The following BCAS3 variants were observed in gnomAD, a reference collection of about 807,000 sequenced individuals.
The protein encoded by BCAS3 is BCAS4/BCAS3 fusion.
BCAS3 carries 53 observed loss-of-function variants against 116.1 expected under a neutral mutation model. The observed-to-expected ratio is 0.46, with a 90% confidence interval of 0.37 to 0.57. The LOEUF (loss-of-function observed/expected upper bound fraction) is 0.57, where lower values mean the gene tolerates loss of function less well. Among genes scored for constraint, BCAS3 ranks in the 20% least tolerant of loss-of-function variants. BCAS3 has a pLI of 0.00. For missense variants in BCAS3, 917 were observed against 1,165.4 expected (o/e 0.79, Z 3.10); for synonymous variants, 391 against 408.2 (o/e 0.96, Z 0.51).
At chr17:60,735,844 T>C (rs1446038749) in intron 5 of BCAS3, among the ~76,000 whole-genome samples, 2 of 151,842 alleles carry the variant, frequency 1.3e-5, no homozygotes, top group Non-Finnish European at 2.9e-5. Flanking sequence ...CATAAATAGG[T>C]GTTGGATTTT....
intron 22 of BCAS3, among the ~76,000 whole-genome samples, chr17:61,287,002 A>C (rs1043025574): frequency 1.3e-5 from 2 of 152,016 alleles, no homozygotes; most frequent in Admixed American, 1.3e-4. Flanking sequence ...TAATCCCAGC[A>C]CTTTGGGAGG....
intron 22 of BCAS3, among the ~76,000 whole-genome samples, chr17:61,183,952 G>A (rs1199168068): frequency 6.6e-6 from 1 of 152,172 alleles, no homozygotes; most frequent in East Asian, 1.9e-4. Context: ...GGTATGGTCT[G>A]CAAATGCAGA....
chr17:60,893,407 T>G (rs184952039), intron 10 of BCAS3, among the ~76,000 whole-genome samples: 1 of 152,130 alleles, frequency 6.6e-6, no homozygotes, highest in Non-Finnish European at 1.5e-5. Flanking sequence ...CTGAGTTAAT[T>G]TTTGTATATG....
chr17:61,108,919 G>A (rs1017090312), intron 22 of BCAS3, among the ~76,000 whole-genome samples: 5 of 152,172 alleles, frequency 3.3e-5, no homozygotes, highest in South Asian at 2.1e-4. Flanking sequence ...TGGGCACGGC[G>A]GCTCATGCCT....
At chr17:60,926,207 A>G (rs1007767117) in intron 13 of BCAS3, among the ~76,000 whole-genome samples, 2 of 152,154 alleles carry the variant, frequency 1.3e-5, no homozygotes, top group African/African-American at 4.8e-5. Context: ...AATACTTTGT[A>G]AATAAAACTG....
intron 22 of BCAS3, among the ~76,000 whole-genome samples, chr17:61,129,617 C>T (rs185698419): frequency 2.6e-5 from 4 of 152,344 alleles, no homozygotes; most frequent in African/African-American, 7.2e-5. Flanking sequence ...CTTCCAGGGC[C>T]TTCGGCATCC....
chr17:61,150,957 C>G (rs770688612), intron 22 of BCAS3, among the ~76,000 whole-genome samples: 44 of 152,164 alleles, frequency 2.9e-4, no homozygotes, highest in Non-Finnish European at 6.2e-4. Flanking sequence ...CCCTGGGAGC[C>G]CAGTTGAAGG....
At chr17:61,046,304 G>A (rs967979412) in intron 19 of BCAS3, among the ~76,000 whole-genome samples, 5 of 147,660 alleles carry the variant, frequency 3.4e-5, no homozygotes, top group African/African-American at 1.2e-4. Flanking sequence ...GTGCCAGAAA[G>A]TTTTTTGTTT....
chr17:61,381,937 A>C lies in BCAS3; in HGVS notation c.2594-10040A>C, dbSNP rs951985269. 1.3e-5 allele frequency among the ~76,000 whole-genome samples: 2 copies of C among 152,124 alleles called. No homozygotes were observed. The highest frequency in any genetic ancestry group is 2.9e-5 in the Non-Finnish European group (2 of 68,030). On this transcript the variant is annotated intron_variant, in intron 23 of 23. Coordinates refer to ENST00000407086, the MANE Select transcript of BCAS3 (RefSeq NM_017679.5). This position sits in a 1 kb window ranked among gnomAD's most constrained non-coding sequence, Gnocchi z 6.0. ...ACTGGTCATCCTCTCCCCAACCTTC[A>C]TTGGTCTCTGGGTAGCAGCCACAGC...
chr17:60,958,377 G>T (rs1044402250), intron 14 of BCAS3, among the ~76,000 whole-genome samples: 1 of 152,162 alleles, frequency 6.6e-6, no homozygotes, highest in African/African-American at 2.4e-5. Flanking sequence ...ACTAATAAAT[G>T]ATTTTAACAA....
rs2143938267 is a variant in BCAS3 at position 61,141,411 on chromosome 17, A to T, written c.2425+56847A>T. ...TGTCTACAAAAAAAGTGTTAAAAGT[A>T]ACCAGGTATAGTAGCAGGAGTCCAT... On this transcript the variant is annotated intron_variant, in intron 22 of 23. Coordinates refer to ENST00000407086, the MANE Select transcript of BCAS3 (RefSeq NM_017679.5). This position sits in a 1 kb window ranked among gnomAD's most constrained non-coding sequence, Gnocchi z 4.3. 6.6e-6 allele frequency among the ~76,000 whole-genome samples: 1 copy of T among 152,240 alleles called. No individual in the cohort carries two copies. Among genetic ancestry groups the T allele is most frequent in the East Asian group, 1.9e-4 (1 of 5,170 alleles).
chr17:60,692,682 T>C (rs2035006818), intron 4 of BCAS3, among the ~76,000 whole-genome samples: 2 of 149,778 alleles, frequency 1.3e-5, no homozygotes, highest in South Asian at 4.2e-4. Context: ...TGTAGTGGGC[T>C]GAGATGTCAC....
intron 22 of BCAS3, among the ~76,000 whole-genome samples, chr17:61,312,059 A>G (rs1034911): frequency 0.31 from 47,306 of 152,132 alleles, 11,029 homozygotes; most frequent in African/African-American, 0.66. Flanking sequence ...TAGAAACAAA[A>G]CAGGAGGGGA....
intron 7 of BCAS3, among the ~76,000 whole-genome samples, chr17:60,849,717 T>G (rs1004080484): frequency 6.6e-6 from 1 of 152,106 alleles, no homozygotes; most frequent in Admixed American, 6.5e-5. Flanking sequence ...CATAGAAGAA[T>G]TGAGTGAAAA....
chr17:60,722,997 C>T (rs1457650234), intron 5 of BCAS3, among the ~76,000 whole-genome samples: 3 of 151,380 alleles, frequency 2.0e-5, no homozygotes, highest in Non-Finnish European at 3.0e-5. Context: ...GCTATGATCA[C>T]GTTACTGCCC....
intron 22 of BCAS3, among the ~76,000 whole-genome samples, chr17:61,212,409 C>A (rs2081515660): frequency 6.6e-6 from 1 of 151,914 alleles, no homozygotes; most frequent in African/African-American, 2.4e-5. Context: ...AGCCTTGAAG[C>A]TCAAATAATT....
At chr17:60,747,363 A>G in intron 6 of BCAS3, 84 bp downstream of exon 6, 1 of 1,135,462 alleles carries the variant, frequency 8.8e-7, no homozygotes, top group Non-Finnish European at 1.3e-6. Flanking sequence ...AAGAATGATA[A>G]CTAAAGTCTG....
In BCAS3 at chr17:61,388,647, CA is replaced by C. The variant is rs1166008357; in HGVS notation, c.2594-3328del. 22 of 1,542,270 alleles carry C rather than the reference CA, an allele frequency of 1.4e-5. No homozygotes were observed. The highest frequency in any genetic ancestry group is 1.9e-5 in the Non-Finnish European group (22 of 1,151,054). ...AAAAAAAGGAAAAAAAAAACAATGCCAACAGCCCAGCGTCCGTGAGCAACCC... is the reference window on the plus strand; with the variant it reads ...AAAAAAAGGAAAAAAAAAACAATGCCACAGCCCAGCGTCCGTGAGCAACCC... On this transcript the variant is annotated intron_variant, in intron 23 of 23. Transcript: ENST00000407086. This position sits in a 1 kb window ranked among gnomAD's most constrained non-coding sequence, Gnocchi z 6.5.
chr17:61,271,424 A>ATTTTTTTTTTTTTTTT (rs71148400), intron 22 of BCAS3, among the ~76,000 whole-genome samples: 56,260 of 70,060 alleles, frequency 0.8, 26,397 homozygotes, highest in Non-Finnish European at 0.88. Flanking sequence ...CCATGCCCGG[A>ATTTTTTTTTTTTTTTT]TTTTTTTTTT....
Sources: allele counts gnomAD v4.1 joint callset (sites outside exome capture counted in the v4.1 genomes callset), GRCh38; gene constraint gnomAD v4.1.1; non-coding constraint Gnocchi (gnomAD v3.1); transcripts MANE v1.5; gene names NCBI Gene and HGNC (gene_info 2026-07-23, HGNC 2026-07-21).